SHROOM3: variants seen among roughly 807,000 people sequenced by gnomAD.
SHROOM3 encodes the protein shroom family member 3, also known as protein Shroom3.
Under a neutral mutation model 138.6 loss-of-function variants are expected in SHROOM3, and 47 were observed. The ratio of observed to expected loss-of-function variants is 0.34; its 90% CI spans 0.27 to 0.43. The LOEUF is 0.43. Ranked by LOEUF, SHROOM3 falls within the 20% of genes least tolerant of loss-of-function variation. SHROOM3 has a pLI of 1.00. For missense variants in SHROOM3, 2,491 were observed against 2,596.5 expected (o/e 0.96, Z 0.88); for synonymous variants, 1,062 against 1,063.3 (o/e 1.00, Z 0.02).
chr4:76,443,055 A>T (rs1427066302), intron 1 of SHROOM3, among the ~76,000 whole-genome samples: 1 of 152,240 alleles, frequency 6.6e-6, no homozygotes, highest in Non-Finnish European at 1.5e-5. Flanking sequence ...ATATGCACAT[A>T]TGTAATGTTT....
intron 10 of SHROOM3, among the ~76,000 whole-genome samples, chr4:76,776,868 CTTTGTT>C (rs1483062703): frequency 6.6e-6 from 1 of 152,056 alleles, no homozygotes; most frequent in Non-Finnish European, 1.5e-5. Flanking sequence ...CCTTTCTTCA[CTTTGTT>C]TTTGTTTGCT....
intron 1 of SHROOM3, among the ~76,000 whole-genome samples, chr4:76,469,212 A>G (rs964664177): frequency 3.9e-5 from 6 of 152,064 alleles, no homozygotes; most frequent in Admixed American, 2.6e-4. Flanking sequence ...AAAAAAAAAG[A>G]GCATTTAATA....
At chr4:76,477,878 G>A (rs959033649) in intron 1 of SHROOM3, among the ~76,000 whole-genome samples, 2 of 152,138 alleles carry the variant, frequency 1.3e-5, no homozygotes, top group African/African-American at 2.4e-5. Context: ...AAGGGGTTGG[G>A]GAACTCCCTC....
intron 2 of SHROOM3, among the ~76,000 whole-genome samples, chr4:76,693,366 G>GTTTTTTTTTTTTTTTTTTTT (rs1429298697): frequency 3.3e-5 from 2 of 60,100 alleles, no homozygotes; most frequent in Admixed American, 1.7e-4. Context: ...ATTTTGATAA[G>GTTTTTTTTTTTTTTTTTTTT]TTTGTTTTTT....
At position 76,741,540 on chromosome 4, in the gene SHROOM3, C is replaced by T; in HGVS notation, c.3367C>T (p.Pro1123Ser). ...GCGCGCCCAGAGTGCCTACCTCCAG[C>T]CCGGCCCCGCGGCGCTCGAAGGCTC... Reference protein sequence around the residue: ...RERAQSAYLQPGPAALEGSGL... With the variant: ...RERAQSAYLQSGPAALEGSGL... The change falls in exon 5 of 11, where the codon CCC becomes TCC. Residue 1123 changes from proline to serine, a missense_variant. Physicochemically the swap from Pro to Ser is moderately conservative, Grantham distance 74. Around this residue, in one of 4 missense-constraint regions of SHROOM3, gnomAD observed 1,733 missense variants for 1,661.6 expected, o/e 1.04. Coordinates refer to ENST00000296043, the MANE Select transcript of SHROOM3 (RefSeq NM_020859.4). The surrounding 1 kb of genome is among the most constrained non-coding windows in gnomAD (Gnocchi z 6.2). The T allele has an allele frequency of 1.9e-6, 3 of 1,550,130 alleles. No individual in the cohort carries two copies. Among genetic ancestry groups the T allele is most frequent in the Non-Finnish European group, 1.7e-6 (2 of 1,154,354 alleles).
intron 2 of SHROOM3, chr4:76,689,017 T>G: frequency 8.5e-6 from 7 of 823,998 alleles, no homozygotes; most frequent in Non-Finnish European, 1.0e-5. Context: ...CATGCTTCAT[T>G]TGATCAATTA....
chr4:76,778,758 C>T (rs543212250), intron 10 of SHROOM3, 51 bp from the exon 11 acceptor site: 1 of 1,611,420 alleles, frequency 6.2e-7, no homozygotes, highest in African/African-American at 1.3e-5. Context: ...GAGTCTGGCT[C>T]TTTTCTCCCT....
At chr4:76,568,564 G>A (rs756601608) in intron 2 of SHROOM3, among the ~76,000 whole-genome samples, 13 of 152,046 alleles carry the variant, frequency 8.6e-5, no homozygotes, top group Non-Finnish European at 1.6e-4. Flanking sequence ...AAATGAGATC[G>A]ACCTAATTTC....
intron 2 of SHROOM3, among the ~76,000 whole-genome samples, chr4:76,576,260 A>G (rs896649617): frequency 2.0e-5 from 3 of 152,220 alleles, no homozygotes; most frequent in Non-Finnish European, 2.9e-5. Flanking sequence ...GTGTCCATCA[A>G]CAGATGAATG....
intron 1 of SHROOM3, among the ~76,000 whole-genome samples, chr4:76,487,837 A>G (rs1731763713): frequency 6.6e-6 from 1 of 152,224 alleles, no homozygotes; most frequent in African/African-American, 2.4e-5. Context: ...CCAATTTCAG[A>G]CTATTCTAGG....
intron 2 of SHROOM3, among the ~76,000 whole-genome samples, chr4:76,685,735 T>G (rs2110105317): frequency 6.6e-6 from 1 of 152,292 alleles, no homozygotes; most frequent in African/African-American, 2.4e-5. Flanking sequence ...TCCCAGCATT[T>G]TGGGAGGCTG....
chr4:76,565,417 A>T (rs1733702565), intron 2 of SHROOM3, among the ~76,000 whole-genome samples: 1 of 152,216 alleles, frequency 6.6e-6, no homozygotes, highest in Non-Finnish European at 1.5e-5. Context: ...CATTGGAATT[A>T]CCAAGGGAGT....
intron 1 of SHROOM3, among the ~76,000 whole-genome samples, chr4:76,484,118 T>C (rs6831106): frequency 2.2e-4 from 33 of 152,304 alleles, no homozygotes; most frequent in African/African-American, 7.7e-4. Flanking sequence ...GTTCTGCACA[T>C]GTATTCCAGA....
At chr4:76,671,869 A>G (rs1718894779) in intron 2 of SHROOM3, among the ~76,000 whole-genome samples, 1 of 152,130 alleles carries the variant, frequency 6.6e-6, no homozygotes. Flanking sequence ...TTTTTGCATT[A>G]TATATTTACC....
At chr4:76,511,507 C>G (rs993189797) in intron 1 of SHROOM3, among the ~76,000 whole-genome samples, 2 of 152,166 alleles carry the variant, frequency 1.3e-5, no homozygotes, top group African/African-American at 2.4e-5. Flanking sequence ...TACAATTTCT[C>G]CAAGGCTTTT....
At chr4:76,712,102 G>T (rs570111003) in intron 3 of SHROOM3, among the ~76,000 whole-genome samples, 1 of 152,188 alleles carries the variant, frequency 6.6e-6, no homozygotes, top group Non-Finnish European at 1.5e-5. Context: ...CACAGGGCCC[G>T]ATAGGCTAAT....
At chr4:76,656,642 T>C (rs1268761732) in intron 2 of SHROOM3, among the ~76,000 whole-genome samples, 1 of 152,214 alleles carries the variant, frequency 6.6e-6, no homozygotes, top group East Asian at 1.9e-4. Context: ...TTTATTGTAG[T>C]ATCTCCAATA....
At chr4:76,688,401 G>A (rs1057473825) in intron 2 of SHROOM3, 1 of 985,346 alleles carries the variant, frequency 1.0e-6, no homozygotes, top group East Asian at 1.1e-4. Flanking sequence ...TTTGGTAAGG[G>A]AGGTTTCTAT....
At chr4:76,679,032 T>A (rs1251664446) in intron 2 of SHROOM3, among the ~76,000 whole-genome samples, 1 of 152,226 alleles carries the variant, frequency 6.6e-6, no homozygotes, top group Non-Finnish European at 1.5e-5. Context: ...AAATCGTTGG[T>A]GTATTTGATG....
Sources: allele counts gnomAD v4.1 joint callset (sites outside exome capture counted in the v4.1 genomes callset), GRCh38; gene constraint gnomAD v4.1.1; regional missense constraint gnomAD v4.1.1; non-coding constraint Gnocchi (gnomAD v3.1); transcripts MANE v1.5; gene names NCBI Gene and HGNC (gene_info 2026-07-23, HGNC 2026-07-21).